MYO16: variants seen among roughly 807,000 people sequenced by gnomAD.
MYO16 encodes myosin XVI.
In MYO16, 94 loss-of-function variants were observed where a neutral mutation model predicts 205.3. The observed-to-expected ratio is 0.46, with a 90% CI of 0.39 to 0.54. The LOEUF (loss-of-function observed/expected upper bound fraction) is 0.54. Ranked by LOEUF, MYO16 falls within the 20% of genes least tolerant of loss-of-function variation. MYO16 has a pLI of 0.00. For synonymous variants in MYO16, 988 were observed against 954.0 expected (o/e 1.04, Z -0.66); for missense variants, 2,315 against 2,387.5 (o/e 0.97, Z 0.63).
chr13:108,759,761 A>G (rs771750167), intron 4 of MYO16, among the ~76,000 whole-genome samples: 1 of 151,392 alleles, frequency 6.6e-6, no homozygotes, highest in Non-Finnish European at 1.5e-5. Flanking sequence ...GCGGAGTTGC[A>G]GTGAGCCGAG....
At chr13:108,728,331 G>A (rs115418546) in intron 4 of MYO16, among the ~76,000 whole-genome samples, 4 of 152,082 alleles carry the variant, frequency 2.6e-5, no homozygotes, top group Admixed American at 6.6e-5. Flanking sequence ...ACAACTTGCC[G>A]TAAGCCAAAA....
At chr13:108,510,973 A>C in the MYO16 span, among the ~76,000 whole-genome samples, 280 of 33,176 alleles carry the variant, frequency 8.4e-3, 4 homozygotes, top group East Asian at 0.043. Flanking sequence ...ATTTATAGTC[A>C]TTTGGGTATA....
Position 108,629,691 on chromosome 13 carries a change from G to T in MYO16, c.-154G>T, listed in dbSNP as rs1879886077. Reference sequence around the variant, plus strand: ...AATGAGAATGAGTTTGAAGCTTTTTGCAGGATCATGGAACAGAGCCTCCAT... The same window carrying T: ...AATGAGAATGAGTTTGAAGCTTTTTTCAGGATCATGGAACAGAGCCTCCAT... On this transcript the variant is annotated 5_prime_UTR_variant, in exon 1 of 35. Coordinates refer to ENST00000457511, the MANE Select transcript of MYO16 (RefSeq NM_001198950.3). The T allele has an allele frequency of 3.2e-6, 2 of 629,570 alleles. No individual in the cohort carries two copies. The highest frequency in any genetic ancestry group is 2.6e-4 in the Middle Eastern group (1 of 3,782). 39.0% of individuals were successfully genotyped at this position (629,570 alleles called of 1,614,324 possible). A position where few individuals can be genotyped will look rare whatever the true frequency, so the allele number is the denominator to read the frequency against.
At chr13:108,620,146 G>C (rs1035174705) in intron 1 of MYO16, among the ~76,000 whole-genome samples, 4 of 152,082 alleles carry the variant, frequency 2.6e-5, no homozygotes, top group African/African-American at 4.8e-5. Context: ...TAAATGAATC[G>C]ATGCCTATGA....
chr13:108,948,801 C>T (rs926580641), intron 16 of MYO16, among the ~76,000 whole-genome samples: 5 of 152,150 alleles, frequency 3.3e-5, no homozygotes, highest in Admixed American at 1.3e-4. Context: ...CTTACTTATG[C>T]GTTCTCAGGT....
intron 23 of MYO16, among the ~76,000 whole-genome samples, chr13:109,038,631 G>A (rs150038297): frequency 1.3e-3 from 198 of 151,860 alleles, no homozygotes; most frequent in African/African-American, 4.4e-3. Flanking sequence ...CTATACTACT[G>A]GTTCTATTCA....
the MYO16 span, among the ~76,000 whole-genome samples, chr13:108,584,238 C>A: frequency 6.6e-6 from 1 of 152,312 alleles, no homozygotes; most frequent in Non-Finnish European, 1.5e-5. Flanking sequence ...AGGCATGAGG[C>A]ACCGCACCCA....
chr13:108,696,037 T>C (rs7990088), intron 2 of MYO16, among the ~76,000 whole-genome samples: 125,499 of 152,132 alleles, frequency 0.82, 52,040 homozygotes, highest in East Asian at 0.98. Flanking sequence ...TTCAATTGTT[T>C]GAATTTAAAA....
At chr13:108,744,591 C>T (rs1885003707) in intron 4 of MYO16, among the ~76,000 whole-genome samples, 1 of 152,198 alleles carries the variant, frequency 6.6e-6, no homozygotes, top group Non-Finnish European at 1.5e-5. Flanking sequence ...TGACTTCAGC[C>T]CACTGGAGCC....
chr13:108,765,234 G>A (rs1289343839), intron 4 of MYO16, among the ~76,000 whole-genome samples: 1 of 152,040 alleles, frequency 6.6e-6, no homozygotes, highest in Admixed American at 6.6e-5. Flanking sequence ...TTAATGGTAT[G>A]CAGTTGCATT....
chr13:108,942,127 T>C (rs894242621), intron 16 of MYO16, among the ~76,000 whole-genome samples: 10 of 152,232 alleles, frequency 6.6e-5, no homozygotes, highest in African/African-American at 2.4e-4. Context: ...TGATAGTTGA[T>C]TGTGACAGTG....
At chr13:108,849,027 A>G (rs539417028) in intron 10 of MYO16, among the ~76,000 whole-genome samples, 1 of 152,198 alleles carries the variant, frequency 6.6e-6, no homozygotes, top group East Asian at 1.9e-4. Flanking sequence ...TTTAAGAAAC[A>G]CTTGGCAGAA....
chr13:108,700,349 AAGAAGAAG>A (rs112356650), intron 2 of MYO16, among the ~76,000 whole-genome samples: 67,974 of 111,104 alleles, frequency 0.61, 20,259 homozygotes, highest in East Asian at 0.7. Flanking sequence ...AAAAAAAAAA[AAGAAGAAG>A]AAGAAGAAGA....
At chr13:108,762,451 C>T (rs115028170) in intron 4 of MYO16, among the ~76,000 whole-genome samples, 1 of 152,068 alleles carries the variant, frequency 6.6e-6, no homozygotes, top group Non-Finnish European at 1.5e-5. Flanking sequence ...ACTAAGTTAC[C>T]TTCCCGCCAA....
intron 4 of MYO16, among the ~76,000 whole-genome samples, chr13:108,772,204 A>G (rs1022774275): frequency 1.3e-5 from 2 of 152,004 alleles, no homozygotes; most frequent in African/African-American, 4.8e-5. Context: ...TATTACATAG[A>G]AAGAAATAGC....
rs68025820 is a variant in MYO16 at position 108,869,731 on chromosome 13, T to TAAAAAA, written c.1425+3513_1425+3518dup. On this transcript the variant is annotated intron_variant, in intron 12 of 34. Coordinates refer to ENST00000457511, the MANE Select transcript of MYO16 (RefSeq NM_001198950.3). ...GGGCGACAGAGCGAGACTCCGTTTC[T>TAAAAAA]AAAAAAAAAAAAAAAAAAAAAAAAA... is the stretch of plus-strand genomic sequence containing the variant. Among the ~76,000 whole-genome samples, 364 of 66,968 alleles carry TAAAAAA rather than the reference T, an allele frequency of 5.4e-3. 3 individuals are homozygous for TAAAAAA. Among genetic ancestry groups the TAAAAAA allele is most frequent in the Middle Eastern group, 9.8e-3 (1 of 102 alleles). The allele number at this position is 66,968 out of a possible 152,430, so 43.9% of individuals were successfully genotyped here.
rs1881693716 is a variant in MYO16 at position 108,665,754 on chromosome 13, A to G, written c.29-132A>G. On this transcript the variant is annotated intron_variant, in intron 1 of 34. Coordinates refer to ENST00000457511, the MANE Select transcript of MYO16 (RefSeq NM_001198950.3). The stretch of plus-strand genomic sequence containing the variant: ...CTATAAAAAGGGCTTTGGATTTGCA[A>G]TATCAAGTGCAAGGAGAATTGTTGC... The G allele has an allele frequency of 3.2e-6, 3 of 933,812 alleles. No individual in the cohort carries two copies. In the African/African-American group the frequency reaches 4.9e-5, roughly 15 times the overall value. The allele number at this position is 933,812 out of a possible 1,614,324, so 57.8% of individuals were successfully genotyped here.
intron 23 of MYO16, among the ~76,000 whole-genome samples, chr13:109,022,069 G>A (rs1886042328): frequency 6.8e-6 from 1 of 146,624 alleles, no homozygotes; most frequent in Non-Finnish European, 1.5e-5. Flanking sequence ...TATATAAAAT[G>A]TATATGTATA....
At chr13:109,077,426 C>A (rs1888144304) in intron 27 of MYO16, among the ~76,000 whole-genome samples, 1 of 152,154 alleles carries the variant, frequency 6.6e-6, no homozygotes, top group Non-Finnish European at 1.5e-5. Flanking sequence ...GCCTCCACTG[C>A]TCTCAAAAAT....
Sources: allele counts gnomAD v4.1 joint callset (sites outside exome capture counted in the v4.1 genomes callset), GRCh38; gene constraint gnomAD v4.1.1; transcripts MANE v1.5; gene names NCBI Gene and HGNC (gene_info 2026-07-23, HGNC 2026-07-21).